Variants in ARHGAP24 observed in about 807,000 individuals in gnomAD.
The protein encoded by ARHGAP24 is Rho GTPase activating protein 24.
In ARHGAP24, 50 loss-of-function variants were observed where a neutral mutation model predicts 76.4. The observed-to-expected ratio is 0.65, with a 90% CI of 0.52 to 0.83. The LOEUF is 0.83. Ranked by LOEUF, ARHGAP24 falls within the 40% of genes least tolerant of loss-of-function variation. ARHGAP24 has a pLI of 0.00. For synonymous variants in ARHGAP24, 345 were observed against 323.3 expected, an observed-to-expected ratio of 1.07 and a Z score of -0.72; for missense variants, 930 against 914.2, an observed-to-expected ratio of 1.02 and a Z score of -0.22.
At chr4:85,866,827 A>G (rs1257889739) in intron 3 of ARHGAP24, among the ~76,000 whole-genome samples, 1 of 152,072 alleles carries the variant, frequency 6.6e-6, no homozygotes, top group Non-Finnish European at 1.5e-5. Context: ...CTCCCTCACT[A>G]TGGTTGGAGG....
chr4:85,644,145 G>T (rs1721635330), intron 2 of ARHGAP24, among the ~76,000 whole-genome samples: 1 of 152,146 alleles, frequency 6.6e-6, no homozygotes, highest in Non-Finnish European at 1.5e-5. Context: ...TGCTGTTTCA[G>T]ATTTCTCAAC....
intron 2 of ARHGAP24, among the ~76,000 whole-genome samples, chr4:85,595,260 T>C (rs1024916111): frequency 6.6e-6 from 1 of 152,084 alleles, no homozygotes; most frequent in Non-Finnish European, 1.5e-5. Flanking sequence ...AGAGACCCAG[T>C]AGAAGTTCCT....
At chr4:85,626,994 T>C (rs926287600) in intron 2 of ARHGAP24, among the ~76,000 whole-genome samples, 1 of 152,192 alleles carries the variant, frequency 6.6e-6, no homozygotes, top group Non-Finnish European at 1.5e-5. Flanking sequence ...TTTTCAAAGC[T>C]TTTAACTTCT....
chr4:85,945,322 T>G (rs1277463419), intron 5 of ARHGAP24, among the ~76,000 whole-genome samples: 1 of 152,118 alleles, frequency 6.6e-6, no homozygotes, highest in Non-Finnish European at 1.5e-5. Context: ...TTTGTATATT[T>G]TGTTGAGATG....
intron 1 of ARHGAP24, among the ~76,000 whole-genome samples, chr4:85,564,796 C>T (rs1333343683): frequency 1.3e-5 from 2 of 150,516 alleles, no homozygotes; most frequent in Non-Finnish European, 3.0e-5. Flanking sequence ...AGATGAGGCT[C>T]AGGCAATAAT....
chr4:85,662,729 T>G (rs1221054692), intron 2 of ARHGAP24, among the ~76,000 whole-genome samples: 1 of 152,188 alleles, frequency 6.6e-6, no homozygotes, highest in African/African-American at 2.4e-5. Flanking sequence ...TTCAGCTTTC[T>G]ACATATGGCC....
intron 3 of ARHGAP24, among the ~76,000 whole-genome samples, chr4:85,861,787 G>C (rs1308864176): frequency 6.6e-6 from 1 of 152,020 alleles, no homozygotes; most frequent in African/African-American, 2.4e-5. Flanking sequence ...GTAATCTCCT[G>C]AAAGATCCCC....
intron 3 of ARHGAP24, among the ~76,000 whole-genome samples, chr4:85,807,095 CT>C: frequency 6.6e-6 from 1 of 152,042 alleles, no homozygotes; most frequent in South Asian, 2.1e-4. Context: ...TAATTTTTTT[CT>C]TTTTTAATTA....
At chr4:85,984,428 T>C (rs1325256895) in intron 8 of ARHGAP24, among the ~76,000 whole-genome samples, 1 of 152,202 alleles carries the variant, frequency 6.6e-6, no homozygotes, top group African/African-American at 2.4e-5. Context: ...TGCTGTGTCC[T>C]CACTTGGCTG....
intron 3 of ARHGAP24, among the ~76,000 whole-genome samples, chr4:85,801,986 T>C (rs2110105177): frequency 6.6e-6 from 1 of 152,378 alleles, no homozygotes; most frequent in East Asian, 1.9e-4. Flanking sequence ...ATTTGAAAGA[T>C]GACTTGGTGA....
At chr4:85,583,755 A>T (rs1216074138) in intron 2 of ARHGAP24, among the ~76,000 whole-genome samples, 8 of 151,270 alleles carry the variant, frequency 5.3e-5, no homozygotes, top group African/African-American at 1.9e-4. Context: ...AGAAAAAAAA[A>T]AAAACCCCAT....
intron 2 of ARHGAP24, among the ~76,000 whole-genome samples, chr4:85,596,846 T>C (rs1216847589): frequency 6.6e-6 from 1 of 152,106 alleles, no homozygotes; most frequent in African/African-American, 2.4e-5. Context: ...AAGTTTACCA[T>C]TACTGTTTTT....
intron 5 of ARHGAP24, among the ~76,000 whole-genome samples, chr4:85,959,165 G>A (rs969946893): frequency 6.6e-6 from 1 of 152,190 alleles, no homozygotes; most frequent in Non-Finnish European, 1.5e-5. Flanking sequence ...CTAAACAAGC[G>A]ATGGATTATT....
chr4:85,886,634 C>T (rs1733583457), intron 3 of ARHGAP24, among the ~76,000 whole-genome samples: 2 of 152,074 alleles, frequency 1.3e-5, no homozygotes, highest in South Asian at 4.1e-4. Flanking sequence ...ATCCCTAGAG[C>T]TTTGAAAGTA....
intron 2 of ARHGAP24, among the ~76,000 whole-genome samples, chr4:85,578,642 C>A (rs1435223401): frequency 6.6e-6 from 1 of 152,064 alleles, no homozygotes; most frequent in African/African-American, 2.4e-5. Flanking sequence ...CATAAAATAC[C>A]TATCTCAGAA....
chr4:85,554,728 T>G (rs1255212252), intron 1 of ARHGAP24, among the ~76,000 whole-genome samples: 34 of 152,088 alleles, frequency 2.2e-4, no homozygotes. Flanking sequence ...TGTAGTGCAG[T>G]GGTGCTATCT....
At chr4:85,976,131 A>G (rs1739306940) in intron 7 of ARHGAP24, among the ~76,000 whole-genome samples, 1 of 152,240 alleles carries the variant, frequency 6.6e-6, no homozygotes, top group South Asian at 2.1e-4. Flanking sequence ...ACCATATTGT[A>G]AGTCTTTATC....
At chr4:85,475,755 C>G (rs1368764708) in intron 1 of ARHGAP24, among the ~76,000 whole-genome samples, 196 bp downstream of exon 1, 3 of 148,722 alleles carry the variant, frequency 2.0e-5, no homozygotes, top group African/African-American at 5.0e-5. Flanking sequence ...GCAGGAATCC[C>G]GTGCTGATGT....
chr4:85,666,809 A>G (rs995927463), intron 2 of ARHGAP24, among the ~76,000 whole-genome samples: 1 of 152,158 alleles, frequency 6.6e-6, no homozygotes, highest in Non-Finnish European at 1.5e-5. Context: ...GCAGCACAGC[A>G]GATTTTCGTG....
Sources: gnomAD v4.1 joint callset for allele counts (sites outside exome capture counted in the v4.1 genomes callset) on GRCh38, gnomAD v4.1.1 for gene constraint, MANE v1.5 for transcripts, NCBI Gene and HGNC (gene_info 2026-07-23, HGNC 2026-07-21) for gene names.